The following RNF150 variants were observed in gnomAD, a reference collection of about 807,000 sequenced individuals.
RNF150 encodes ring finger protein 150.
Under a neutral mutation model 39.3 loss-of-function variants are expected in RNF150, and 24 were observed. That is an observed-to-expected ratio of 0.61 (90% CI 0.44 to 0.86). The LOEUF (loss-of-function observed/expected upper bound fraction) is 0.86, where lower values mean the gene tolerates loss of function less well. RNF150 is among the 40% of genes least tolerant of loss of function. The pLI, the probability that RNF150 is intolerant of heterozygous loss-of-function variation, is 0.00. For missense variants in RNF150, 502 were observed against 587.8 expected (o/e 0.85, Z 1.51); for synonymous variants, 255 against 227.3 (o/e 1.12, Z -1.10).
At chr4:141,175,793 G>T (rs192730996) in intron 1 of RNF150, among the ~76,000 whole-genome samples, 1 of 152,330 alleles carries the variant, frequency 6.6e-6, no homozygotes, top group African/African-American at 2.4e-5. Context: ...TCAGACTCTG[G>T]TGAAGTTCCT....
intron 1 of RNF150, among the ~76,000 whole-genome samples, chr4:141,077,187 C>T (rs780019902): frequency 1.3e-5 from 2 of 152,170 alleles, no homozygotes; most frequent in South Asian, 4.1e-4. Context: ...AACATGTTCA[C>T]ACAAGACCCT....
At chr4:140,895,616 T>C (rs1200493805) in intron 6 of RNF150, among the ~76,000 whole-genome samples, 2 of 152,230 alleles carry the variant, frequency 1.3e-5, no homozygotes, top group Non-Finnish European at 2.9e-5. Flanking sequence ...GGCAGATCAT[T>C]CTGCTTAGCA....
intron 1 of RNF150, among the ~76,000 whole-genome samples, chr4:141,008,949 T>C (rs1214059575): frequency 6.6e-6 from 1 of 152,220 alleles, no homozygotes; most frequent in East Asian, 1.9e-4. Context: ...TATTTATATA[T>C]GCATGATGTG....
intron 1 of RNF150, among the ~76,000 whole-genome samples, chr4:140,973,874 TAAAAAAAAA>T (rs566506401): frequency 1.8e-5 from 2 of 110,540 alleles, no homozygotes; most frequent in East Asian, 4.9e-4. Flanking sequence ...AGACTCTGTT[TAAAAAAAAA>T]AAAAAAAAAA....
chr4:140,997,705 C>T (rs1211018624), intron 1 of RNF150, among the ~76,000 whole-genome samples: 1 of 148,098 alleles, frequency 6.8e-6, no homozygotes, highest in South Asian at 2.1e-4. Context: ...TGTATATATA[C>T]ACACACATAT....
intron 1 of RNF150, among the ~76,000 whole-genome samples, chr4:140,998,903 G>GC (rs61093376): frequency 0.076 from 11,532 of 152,166 alleles, 495 homozygotes; most frequent in Middle Eastern, 0.17. Context: ...CAAAAATAGT[G>GC]AGCTTCATAT....
At chr4:140,993,827 A>T (rs1734273643) in intron 1 of RNF150, among the ~76,000 whole-genome samples, 1 of 152,176 alleles carries the variant, frequency 6.6e-6, no homozygotes, top group Non-Finnish European at 1.5e-5. Context: ...ATCTCAGTGC[A>T]CTGTTAGGCT....
In RNF150 at chr4:140,866,525, GC is replaced by G. The variant is rs1350672310; in HGVS notation, c.*1735del. ...TCTGAGGGTAATAATCATCTGCCTTGCCTTACTGTCTACTTACAAACCATCA... is the reference window on the plus strand; with the variant it reads ...TCTGAGGGTAATAATCATCTGCCTTGCTTACTGTCTACTTACAAACCATCA... On this transcript the variant is annotated 3_prime_UTR_variant, in exon 7 of 7. Coordinates refer to ENST00000515673, the MANE Select transcript of RNF150 (RefSeq NM_020724.2). 2 of 152,166 alleles carry G rather than the reference GC, an allele frequency of 1.3e-5. No individual in the cohort carries two copies. Among genetic ancestry groups the G allele is most frequent in the East Asian group, 1.9e-4 (1 of 5,198 alleles). The allele number at this position is 152,166 out of a possible 1,614,324, so 9.4% of individuals were successfully genotyped here.
At chr4:140,960,351 A>T (rs1345723975) in intron 2 of RNF150, among the ~76,000 whole-genome samples, 1 of 152,178 alleles carries the variant, frequency 6.6e-6, no homozygotes, top group Non-Finnish European at 1.5e-5. Flanking sequence ...TCCAGCTCCC[A>T]GCTAGAACTC....
intron 2 of RNF150, among the ~76,000 whole-genome samples, chr4:140,955,743 C>G (rs1009954407): frequency 7.2e-5 from 11 of 152,200 alleles, no homozygotes; most frequent in Non-Finnish European, 1.6e-4. Flanking sequence ...ACAGAAGCAT[C>G]TCTGCCTGAA....
intron 1 of RNF150, among the ~76,000 whole-genome samples, chr4:141,004,099 C>T (rs1040451635): frequency 2.0e-5 from 3 of 152,080 alleles, no homozygotes; most frequent in South Asian, 4.1e-4. Flanking sequence ...GAGCATTTAA[C>T]GAACTTCTAT....
At chr4:141,108,597 T>C (rs1335504041) in intron 1 of RNF150, among the ~76,000 whole-genome samples, 1 of 152,222 alleles carries the variant, frequency 6.6e-6, no homozygotes, top group Non-Finnish European at 1.5e-5. Context: ...TGACAATCTA[T>C]ACCATGTCAA....
chr4:141,139,656 T>C (rs1727083768), intron 1 of RNF150, among the ~76,000 whole-genome samples: 1 of 152,238 alleles, frequency 6.6e-6, no homozygotes, highest in South Asian at 2.1e-4. Context: ...CCACTTAATG[T>C]ACATGCAGGC....
At chr4:141,036,875 T>C (rs935186450) in intron 1 of RNF150, among the ~76,000 whole-genome samples, 4 of 152,222 alleles carry the variant, frequency 2.6e-5, no homozygotes, top group Non-Finnish European at 4.4e-5. Context: ...ATATCCTTAA[T>C]TGCAATTTAC....
At chr4:141,009,021 T>G (rs1734969427) in intron 1 of RNF150, among the ~76,000 whole-genome samples, 1 of 152,194 alleles carries the variant, frequency 6.6e-6, no homozygotes, top group Non-Finnish European at 1.5e-5. Context: ...TTACCATAAT[T>G]AATCAGTAAA....
At chr4:141,144,664 G>C (rs938142604) in intron 1 of RNF150, among the ~76,000 whole-genome samples, 1 of 152,078 alleles carries the variant, frequency 6.6e-6, no homozygotes, top group South Asian at 2.1e-4. Flanking sequence ...AGGTAAAGAT[G>C]AGCTAATTAT....
At chr4:140,969,343 A>G (rs3919607) in intron 1 of RNF150, among the ~76,000 whole-genome samples, 146,861 of 152,224 alleles carry the variant, frequency 0.96, 71,049 homozygotes, top group East Asian at 1. Context: ...AAGCCATAGT[A>G]TGGGTTTGGC....
At chr4:140,977,546 G>C (rs1216105782) in intron 1 of RNF150, among the ~76,000 whole-genome samples, 2 of 152,182 alleles carry the variant, frequency 1.3e-5, no homozygotes, top group East Asian at 3.9e-4. Context: ...TTTGGGTTTT[G>C]CAGTTATTTT....
At chr4:141,054,579 G>T (rs1736897239) in intron 1 of RNF150, among the ~76,000 whole-genome samples, 1 of 152,028 alleles carries the variant, frequency 6.6e-6, no homozygotes, top group South Asian at 2.1e-4. Flanking sequence ...CCCCACAAGG[G>T]TGCTATGAAT....
Sources: allele counts gnomAD v4.1 joint callset (sites outside exome capture counted in the v4.1 genomes callset), GRCh38; gene constraint gnomAD v4.1.1; transcripts MANE v1.5; gene names NCBI Gene and HGNC (gene_info 2026-07-23, HGNC 2026-07-21).